Variants in ETV6 observed in about 807,000 individuals in gnomAD.
ETV6 encodes the protein transcription factor ETV6.
A neutral mutation model predicts 51.1 loss-of-function variants in ETV6; 16 were observed. That is an observed-to-expected ratio of 0.31 (90% CI 0.21 to 0.48). The LOEUF is 0.48. Ranked by LOEUF, ETV6 falls within the 20% of genes least tolerant of loss-of-function variation. The probability of loss-of-function intolerance (pLI) is 0.99; values close to 1 mark genes in which losing one functional copy is unlikely to be tolerated. For missense variants in ETV6, 458 were observed against 594.8 expected (o/e 0.77, Z 2.39); for synonymous variants, 240 against 224.1 (o/e 1.07, Z -0.64).
chr12:11,749,459 C>G (rs745984167), intron 1 of ETV6, among the ~76,000 whole-genome samples: 1 of 152,084 alleles, frequency 6.6e-6, no homozygotes, highest in African/African-American at 2.4e-5. Context: ...TTGTTGGGGT[C>G]GCACCAGAGA....
intron 1 of ETV6, among the ~76,000 whole-genome samples, chr12:11,689,442 C>T (rs562933571): frequency 6.6e-6 from 1 of 152,022 alleles, no homozygotes; most frequent in Non-Finnish European, 1.5e-5. Flanking sequence ...TATTTTATTT[C>T]ATTTTATTTC....
intron 5 of ETV6, among the ~76,000 whole-genome samples, chr12:11,876,618 TA>T (rs1422230420): frequency 1.3e-5 from 2 of 152,248 alleles, no homozygotes; most frequent in Non-Finnish European, 1.5e-5. Flanking sequence ...AATTGTTTTA[TA>T]ATCCATTCAT....
intron 1 of ETV6, among the ~76,000 whole-genome samples, chr12:11,667,989 C>T (rs1864228321): frequency 6.6e-6 from 1 of 152,062 alleles, no homozygotes; most frequent in Non-Finnish European, 1.5e-5. Flanking sequence ...CGTGAGCCAC[C>T]ACGCCCAGCC....
intron 1 of ETV6, among the ~76,000 whole-genome samples, chr12:11,731,524 A>C (rs1415778228): frequency 1.3e-5 from 2 of 152,086 alleles, no homozygotes; most frequent in African/African-American, 4.8e-5. Context: ...TGTTATTCTT[A>C]AGAAGAGAAG....
At chr12:11,804,219 C>T (rs1000192568) in intron 2 of ETV6, among the ~76,000 whole-genome samples, 1 of 152,136 alleles carries the variant, frequency 6.6e-6, no homozygotes, top group African/African-American at 2.4e-5. Context: ...AAGTGTCTAC[C>T]AAGGAATTCA....
intron 2 of ETV6, among the ~76,000 whole-genome samples, chr12:11,811,404 C>T (rs186843925): frequency 1.3e-5 from 2 of 152,348 alleles, no homozygotes; most frequent in African/African-American, 4.8e-5. Flanking sequence ...TTTCAGATTT[C>T]CAGAAAGGAC....
chr12:11,859,971 A>G (rs1591726835), intron 4 of ETV6, among the ~76,000 whole-genome samples: 1 of 152,120 alleles, frequency 6.6e-6, no homozygotes, highest in South Asian at 2.1e-4. Context: ...GACCGAATTC[A>G]CCCTTCTAGA....
intron 1 of ETV6, among the ~76,000 whole-genome samples, chr12:11,740,037 A>G (rs2724644): frequency 0.98 from 149,191 of 152,348 alleles, 73,112 homozygotes; most frequent in Middle Eastern, 1. Context: ...GGACAGCTTT[A>G]CCTCTGTTAA....
intron 1 of ETV6, among the ~76,000 whole-genome samples, chr12:11,659,011 TTC>T (rs1864051393): frequency 6.6e-6 from 1 of 152,232 alleles, no homozygotes. Context: ...AGAGCATCAA[TTC>T]TCCAGTCTGC....
intron 1 of ETV6, among the ~76,000 whole-genome samples, chr12:11,739,214 G>T (rs1050137075): frequency 6.6e-6 from 1 of 152,146 alleles, no homozygotes; most frequent in East Asian, 1.9e-4. Flanking sequence ...CCTCTGTAAG[G>T]GGCCTCTAGT....
chr12:11,846,579 G>A (rs1383676968), intron 3 of ETV6, among the ~76,000 whole-genome samples: 1 of 151,852 alleles, frequency 6.6e-6, no homozygotes, highest in Non-Finnish European at 1.5e-5. Flanking sequence ...TAAGCAAATA[G>A]CCGAAGGAAA....
At chr12:11,660,324 G>A (rs1183437605) in intron 1 of ETV6, among the ~76,000 whole-genome samples, 1 of 152,184 alleles carries the variant, frequency 6.6e-6, no homozygotes, top group Admixed American at 6.5e-5. Context: ...GGGAGATGGG[G>A]CGGGGCGTGG....
intron 1 of ETV6, among the ~76,000 whole-genome samples, chr12:11,723,859 C>T (rs916139925): frequency 2.0e-5 from 3 of 152,002 alleles, no homozygotes; most frequent in African/African-American, 4.8e-5. Context: ...ATCTTTAAAA[C>T]GAGTATTCCT....
chr12:11,652,831 C>T (rs1863931407), intron 1 of ETV6, among the ~76,000 whole-genome samples: 1 of 152,184 alleles, frequency 6.6e-6, no homozygotes, highest in African/African-American at 2.4e-5. Flanking sequence ...AAAGATGGCT[C>T]ATGTGGTGGT....
intron 1 of ETV6, among the ~76,000 whole-genome samples, chr12:11,709,831 G>T (rs1429713507): frequency 2.0e-5 from 3 of 152,172 alleles, no homozygotes; most frequent in Non-Finnish European, 4.4e-5. Context: ...CTCTTCTCTG[G>T]GTCTCCAGCC....
In ETV6 at chr12:11,829,299, A is replaced by G. The variant is rs1946206466; in HGVS notation, c.164-9841A>G. On this transcript the variant is annotated intron_variant, in intron 2 of 7. Transcript: ENST00000396373. ...AAAATGCATTGAGCACTTGCTCTGT[A>G]CCAGGCACTGTGCAACATCTCTATA... Among the ~76,000 whole-genome samples the G allele has an allele frequency of 1.3e-5, 2 of 152,228 alleles. 1 individual carries two copies. The highest frequency in any genetic ancestry group is 4.1e-4 in the South Asian group (2 of 4,832).
chr12:11,731,924 C>G (rs1341159763), intron 1 of ETV6, among the ~76,000 whole-genome samples: 2 of 152,112 alleles, frequency 1.3e-5, no homozygotes, highest in Non-Finnish European at 2.9e-5. Context: ...TCCCAGTTTC[C>G]CTGGGATTTC....
chr12:11,738,611 T>C (rs1242809619), intron 1 of ETV6, among the ~76,000 whole-genome samples: 1 of 152,152 alleles, frequency 6.6e-6, no homozygotes, highest in Non-Finnish European at 1.5e-5. Flanking sequence ...CTCTGCCCTG[T>C]GCCACTTTTC....
intron 1 of ETV6, among the ~76,000 whole-genome samples, chr12:11,706,996 G>T (rs956643898): frequency 6.6e-6 from 1 of 152,194 alleles, no homozygotes; most frequent in Non-Finnish European, 1.5e-5. Context: ...TGTAGAAAGG[G>T]TCTATTGTTC....
Sources: gnomAD v4.1 joint callset for allele counts (sites outside exome capture counted in the v4.1 genomes callset) on GRCh38, gnomAD v4.1.1 for gene constraint, MANE v1.5 for transcripts, NCBI Gene and HGNC (gene_info 2026-07-23, HGNC 2026-07-21) for gene names.